The following SUGCT variants were observed in gnomAD, a reference collection of about 807,000 sequenced individuals.
SUGCT encodes the protein succinyl-CoA:glutarate CoA-transferase.
Under a neutral mutation model 55.0 loss-of-function variants are expected in SUGCT, and 41 were observed. The ratio of observed to expected loss-of-function variants is 0.74; its 90% CI spans 0.58 to 0.97. The LOEUF is 0.97. Among genes scored for constraint, SUGCT ranks in the 50% least tolerant of loss-of-function variants. The pLI is 0.00. For missense variants in SUGCT, 568 were observed against 547.8 expected (o/e 1.04, Z -0.37); for synonymous variants, 187 against 200.4 (o/e 0.93, Z 0.56).
intron 13 of SUGCT, among the ~76,000 whole-genome samples, chr7:40,814,378 A>G (rs1428111900): frequency 6.6e-6 from 1 of 152,076 alleles, no homozygotes; most frequent in Non-Finnish European, 1.5e-5. Flanking sequence ...ATTTCTTGAC[A>G]ACTTTATTCA....
chr7:40,594,849 C>G (rs1797918388), intron 12 of SUGCT, among the ~76,000 whole-genome samples: 1 of 152,184 alleles, frequency 6.6e-6, no homozygotes, highest in Non-Finnish European at 1.5e-5. Context: ...GCCCCATCTG[C>G]TCGGCTTCCC....
rs111478784 is a variant in SUGCT at position 40,666,350 on chromosome 7, G to A, written c.1090-83084G>A. ...GTGACAGAGCAAGACTCTGTCTCAA[G>A]AAAGAAAGGAAGGAAGGAAGGAAGG... On this transcript the variant is annotated intron_variant, in intron 12 of 13. Coordinates refer to ENST00000335693, the MANE Select transcript of SUGCT (RefSeq NM_001193313.2). 4.4e-3 allele frequency among the ~76,000 whole-genome samples: 415 copies of A among 93,794 alleles called. 2 individuals are homozygous for A. Among genetic ancestry groups the A allele is most frequent in the South Asian group, 0.016 (49 of 3,074 alleles). 61.5% of individuals were successfully genotyped at this position (93,794 alleles called of 152,430 possible). A position where few individuals can be genotyped will look rare whatever the true frequency, so the allele number is the denominator to read the frequency against.
the SUGCT span, among the ~76,000 whole-genome samples, chr7:40,964,205 A>G: frequency 6.6e-6 from 1 of 152,288 alleles, no homozygotes; most frequent in East Asian, 1.9e-4. Flanking sequence ...GCTTGAATAA[A>G]CTTGGATCTT....
At chr7:40,747,006 A>T (rs1787763536) in intron 12 of SUGCT, among the ~76,000 whole-genome samples, 1 of 152,150 alleles carries the variant, frequency 6.6e-6, no homozygotes, top group African/African-American at 2.4e-5. Flanking sequence ...TAGAACTGAG[A>T]TTTAGCACCT....
chr7:40,285,995 C>T (rs182917949), intron 8 of SUGCT, among the ~76,000 whole-genome samples: 4 of 152,312 alleles, frequency 2.6e-5, no homozygotes, highest in Admixed American at 6.5e-5. Context: ...TATATTTTCA[C>T]CTCCAAGGGT....
At chr7:40,732,983 G>A (rs141710606) in intron 12 of SUGCT, among the ~76,000 whole-genome samples, 198 of 152,266 alleles carry the variant, frequency 1.3e-3, no homozygotes, top group African/African-American at 4.5e-3. Flanking sequence ...GCTGAGGCAG[G>A]AGAATCACTT....
chr7:40,856,146 C>T (rs753607048), intron 13 of SUGCT, among the ~76,000 whole-genome samples: 3 of 152,152 alleles, frequency 2.0e-5, no homozygotes, highest in Non-Finnish European at 4.4e-5. Context: ...TTTTAGGCTT[C>T]AGCTTTCTCT....
chr7:40,497,483 T>C (rs765150304), intron 12 of SUGCT, among the ~76,000 whole-genome samples: 15 of 152,306 alleles, frequency 9.8e-5, no homozygotes, highest in Non-Finnish European at 1.5e-4. Context: ...GTTAAAACTT[T>C]GGTCAATAAT....
intron 12 of SUGCT, among the ~76,000 whole-genome samples, chr7:40,714,433 CTTAT>C (rs1785903330): frequency 1.3e-5 from 2 of 152,188 alleles, no homozygotes; most frequent in Admixed American, 6.5e-5. Flanking sequence ...TTGTCATATA[CTTAT>C]TTAAGTGTCC....
intron 9 of SUGCT, among the ~76,000 whole-genome samples, chr7:40,325,612 C>T (rs1795986487): frequency 6.6e-6 from 1 of 152,128 alleles, no homozygotes; most frequent in Non-Finnish European, 1.5e-5. Flanking sequence ...TGTGACCAGC[C>T]TGGCCAACAT....
In SUGCT at chr7:40,644,376, A is replaced by G. The variant is rs954162930; in HGVS notation, c.1090-105058A>G. 3.3e-5 allele frequency among the ~76,000 whole-genome samples: 5 copies of G among 152,014 alleles called. 1 individual carries two copies. The highest frequency in any genetic ancestry group is 6.5e-5 in the Admixed American group (1 of 15,270). ...GGGCTGTGCCCACAGCTACCCCTCAATCACTGCTTTCTGGATTATGGAGCC... is the reference window on the plus strand; with the variant it reads ...GGGCTGTGCCCACAGCTACCCCTCAGTCACTGCTTTCTGGATTATGGAGCC... On this transcript the variant is annotated intron_variant, in intron 12 of 13. Transcript: ENST00000335693.
At chr7:40,249,987 A>G (rs573650158) in intron 7 of SUGCT, among the ~76,000 whole-genome samples, 7 of 152,254 alleles carry the variant, frequency 4.6e-5, no homozygotes, top group South Asian at 2.1e-4. Context: ...GGATTTCACT[A>G]TGTTGGCTAG....
intron 6 of SUGCT, among the ~76,000 whole-genome samples, chr7:40,227,043 C>CTTTTTTTTTT (rs35073564): frequency 1.0e-5 from 1 of 96,226 alleles, no homozygotes; most frequent in Non-Finnish European, 2.0e-5. Flanking sequence ...TTTAATAGAT[C>CTTTTTTTTTT]TTTTTTTTTT....
In SUGCT at chr7:40,665,432, AAAATAAATAAATAAAT is replaced by A. The variant is rs59090658; in HGVS notation, c.1090-83970_1090-83955del. On this transcript the variant is annotated intron_variant, in intron 12 of 13. Transcript: ENST00000335693. ...CGACAAAAGTGAAACTCTATCTCAA[AAAATAAATAAATAAAT>A]AAATAAATAAATAAATAAATAAATA... Among the ~76,000 whole-genome samples the A allele has an allele frequency of 3.0e-3, 417 of 140,478 alleles. 4 individuals carry two copies. Among genetic ancestry groups the A allele is most frequent in the African/African-American group, 8.6e-3 (325 of 37,888 alleles). The allele number at this position is 140,478 out of a possible 152,430, so 92.2% of individuals were successfully genotyped here. A position where few individuals can be genotyped will look rare whatever the true frequency, so the allele number is the denominator to read the frequency against.
intron 13 of SUGCT, among the ~76,000 whole-genome samples, chr7:40,826,542 G>A (rs1792320510): frequency 6.6e-6 from 1 of 152,200 alleles, no homozygotes; most frequent in South Asian, 2.1e-4. Context: ...CATTTTGCAA[G>A]CATTGGGTGA....
chr7:40,869,015 T>C, the SUGCT span, among the ~76,000 whole-genome samples: 1 of 152,238 alleles, frequency 6.6e-6, no homozygotes, highest in Non-Finnish European at 1.5e-5. Flanking sequence ...AAAATTAGCA[T>C]TGATATAATC....
At chr7:40,369,937 C>T (rs1023318980) in intron 9 of SUGCT, among the ~76,000 whole-genome samples, 8 of 152,020 alleles carry the variant, frequency 5.3e-5, no homozygotes, top group East Asian at 1.9e-4. Flanking sequence ...CCCTAGTGCT[C>T]GTGGGGAATG....
intron 9 of SUGCT, among the ~76,000 whole-genome samples, chr7:40,421,922 G>T (rs953225495): frequency 6.6e-6 from 1 of 151,944 alleles, no homozygotes; most frequent in African/African-American, 2.4e-5. Flanking sequence ...CTAGCTTTGG[G>T]CCATTTACCT....
At chr7:40,800,256 G>A (rs549644390) in intron 13 of SUGCT, among the ~76,000 whole-genome samples, 1 of 151,536 alleles carries the variant, frequency 6.6e-6, no homozygotes, top group African/African-American at 2.4e-5. Flanking sequence ...AGGCAGGAGT[G>A]GGGGCAGGGT....
Sources: gnomAD v4.1 joint callset for allele counts (sites outside exome capture counted in the v4.1 genomes callset) on GRCh38, gnomAD v4.1.1 for gene constraint, MANE v1.5 for transcripts, NCBI Gene and HGNC (gene_info 2026-07-23, HGNC 2026-07-21) for gene names.